EHMT1: variants seen among roughly 807,000 people sequenced by gnomAD.
EHMT1 encodes the protein euchromatic histone lysine methyltransferase 1.
A neutral mutation model predicts 147.2 loss-of-function variants in EHMT1; 15 were observed. The observed-to-expected ratio is 0.10, with a 90% CI of 0.07 to 0.16. The LOEUF (loss-of-function observed/expected upper bound fraction) is 0.16, where lower values mean the gene tolerates loss of function less well. Among genes scored for constraint, EHMT1 ranks in the 10% least tolerant of loss-of-function variants. The pLI, the probability that EHMT1 is intolerant of heterozygous loss-of-function variation, is 1.00. For missense variants in EHMT1, 1,587 were observed against 1,772.4 expected, an observed-to-expected ratio of 0.90 and a Z score of 1.88; for synonymous variants, 795 against 709.6, an observed-to-expected ratio of 1.12 and a Z score of -1.91.
At chr9:137,750,523 T>A (rs1279463653) in intron 6 of EHMT1, among the ~76,000 whole-genome samples, 1 of 152,162 alleles carries the variant, frequency 6.6e-6, no homozygotes, top group Non-Finnish European at 1.5e-5. Context: ...ACTATAAAAC[T>A]GGTGAAAGAG....
intron 1 of EHMT1, among the ~76,000 whole-genome samples, chr9:137,658,386 A>G (rs1938709299): frequency 6.6e-6 from 1 of 152,114 alleles, no homozygotes; most frequent in African/African-American, 2.4e-5. Flanking sequence ...CCTGAGCTCA[A>G]GTGGTCCACC....
intron 1 of EHMT1, among the ~76,000 whole-genome samples, chr9:137,638,926 C>G (rs11137163): frequency 0.13 from 20,461 of 152,200 alleles, 1,820 homozygotes; most frequent in Admixed American, 0.29. Context: ...TTACAGACCA[C>G]AAGGCCTACT....
intron 1 of EHMT1, among the ~76,000 whole-genome samples, chr9:137,619,820 C>G (rs757009892): frequency 7.9e-5 from 12 of 151,958 alleles, no homozygotes; most frequent in Admixed American, 1.3e-4. Flanking sequence ...TAAAGTCTTG[C>G]GAGTGGACCA....
At chr9:137,741,610 G>C (rs76620537) in intron 4 of EHMT1, among the ~76,000 whole-genome samples, 1 of 152,206 alleles carries the variant, frequency 6.6e-6, no homozygotes, top group Non-Finnish European at 1.5e-5. Context: ...TAGTGAGAAA[G>C]TACATGTAGT....
At chr9:137,655,086 C>T (rs1382943364) in intron 1 of EHMT1, among the ~76,000 whole-genome samples, 1 of 152,038 alleles carries the variant, frequency 6.6e-6, no homozygotes, top group Non-Finnish European at 1.5e-5. Context: ...GCAACCTCCT[C>T]CTCTCAGGTT....
Position 137,813,331 on chromosome 9 carries a change from AC to A in EHMT1, c.3036-50del, listed in dbSNP as rs1954645612. The A allele has an allele frequency of 5.1e-6, 8 of 1,583,634 alleles. No individual in the cohort carries two copies. Among genetic ancestry groups the A allele is most frequent in the African/African-American group, 4.0e-5 (3 of 74,288 alleles). ...CAGCCGCCCCACTGCACGCTGTGCC[AC>A]CCCCTGGGCAGAGCACGTCAGCCAC... is the stretch of plus-strand genomic sequence containing the variant. On this transcript the variant is annotated intron_variant, in intron 20 of 26. Coordinates refer to ENST00000460843, the MANE Select transcript of EHMT1 (RefSeq NM_024757.5). This position sits in a 1 kb window ranked among gnomAD's most constrained non-coding sequence, Gnocchi z 4.9.
intron 18 of EHMT1, among the ~76,000 whole-genome samples, chr9:137,810,677 G>T (rs939585865): frequency 2.0e-5 from 3 of 151,698 alleles, no homozygotes; most frequent in Admixed American, 2.0e-4. Flanking sequence ...TTATTTAAAA[G>T]AGGCCTTTTT....
chr9:137,747,382 T>C (rs1271622009), intron 6 of EHMT1: 1 of 152,230 alleles, frequency 6.6e-6, no homozygotes, highest in Non-Finnish European at 1.5e-5. Context: ...GGTCTTGAAC[T>C]CCTGACCTCA....
intron 1 of EHMT1, among the ~76,000 whole-genome samples, chr9:137,643,814 A>G (rs945563366): frequency 5.9e-5 from 9 of 152,014 alleles, no homozygotes; most frequent in Non-Finnish European, 1.2e-4. Flanking sequence ...TGATGTGTGT[A>G]GGTGTGGAAC....
intron 1 of EHMT1, among the ~76,000 whole-genome samples, chr9:137,642,588 A>G (rs1348010488): frequency 6.6e-6 from 1 of 152,184 alleles, no homozygotes. Flanking sequence ...ACAATTTAGT[A>G]TATTAATTTT....
intron 6 of EHMT1, chr9:137,747,978 T>A (rs1948685640): frequency 6.6e-6 from 1 of 152,222 alleles, no homozygotes; most frequent in Non-Finnish European, 1.5e-5. Flanking sequence ...ATTCTTTCTT[T>A]TTTTTCTTTG....
chr9:137,785,728 A>G (rs1458880358), intron 15 of EHMT1: 2 of 152,166 alleles, frequency 1.3e-5, no homozygotes, highest in African/African-American at 4.8e-5. Flanking sequence ...AGGTCCTTAA[A>G]ATGTAAACAT....
intron 4 of EHMT1, among the ~76,000 whole-genome samples, chr9:137,735,069 T>G (rs1947417671): frequency 6.6e-6 from 1 of 152,246 alleles, no homozygotes; most frequent in Non-Finnish European, 1.5e-5. Flanking sequence ...CCACTTTTTG[T>G]TTTCTGTAAG....
At chr9:137,671,222 GAAAA>G (rs1236470267) in intron 1 of EHMT1, among the ~76,000 whole-genome samples, 1 of 152,092 alleles carries the variant, frequency 6.6e-6, no homozygotes, top group Non-Finnish European at 1.5e-5. Flanking sequence ...TTCAGTGTAA[GAAAA>G]AAGCAGAAGG....
chr9:137,648,460 G>A (rs1019367678), intron 1 of EHMT1, among the ~76,000 whole-genome samples: 7 of 147,726 alleles, frequency 4.7e-5, no homozygotes, highest in African/African-American at 1.8e-4. Context: ...TTTCAGACCA[G>A]CCTGGGCAAC....
intron 1 of EHMT1, among the ~76,000 whole-genome samples, chr9:137,636,725 G>T (rs1348515478): frequency 6.6e-6 from 1 of 152,030 alleles, no homozygotes; most frequent in African/African-American, 2.4e-5. Context: ...CTGCGTTTCT[G>T]CCCTAAATCC....
rs1035197199 is a variant in EHMT1 at position 137,828,747 on chromosome 9, C to T, written c.3541-5602C>T. 3.3e-5 allele frequency among the ~76,000 whole-genome samples: 5 copies of T among 152,078 alleles called. No homozygotes were observed. Among genetic ancestry groups the T allele is most frequent in the African/African-American group, 1.2e-4 (5 of 41,416 alleles). On this transcript the variant is annotated intron_variant, in intron 25 of 26. Transcript: ENST00000460843. This position sits in a 1 kb window ranked among gnomAD's most constrained non-coding sequence, Gnocchi z 5.3. ...GGCCGGTGGTTCTGGACAGAAAAACCACAAAAATGAGAAGACCAGGAATAG... is the reference window on the plus strand; with the variant it reads ...GGCCGGTGGTTCTGGACAGAAAAACTACAAAAATGAGAAGACCAGGAATAG...
At chr9:137,673,672 A>G (rs1038327582) in intron 1 of EHMT1, among the ~76,000 whole-genome samples, 1 of 152,228 alleles carries the variant, frequency 6.6e-6, no homozygotes, top group Admixed American at 6.5e-5. Flanking sequence ...CCCTGCCCTC[A>G]GGGAGGCTCT....
At chr9:137,722,765 C>T (rs370781878) in intron 3 of EHMT1, among the ~76,000 whole-genome samples, 4 of 149,980 alleles carry the variant, frequency 2.7e-5, no homozygotes, top group Admixed American at 2.0e-4. Flanking sequence ...GCCCTGCACC[C>T]GGAGTGTGCT....
Sources: allele counts gnomAD v4.1 joint callset (sites outside exome capture counted in the v4.1 genomes callset), GRCh38; gene constraint gnomAD v4.1.1; non-coding constraint Gnocchi (gnomAD v3.1); transcripts MANE v1.5; gene names NCBI Gene and HGNC (gene_info 2026-07-23, HGNC 2026-07-21).